Variants in FNBP1L observed in about 807,000 individuals in gnomAD.
FNBP1L encodes formin binding protein 1 like, also known as formin-binding protein 1-like.
A neutral mutation model predicts 91.2 loss-of-function variants in FNBP1L; 36 were observed. The ratio of observed to expected loss-of-function variants is 0.39; its 90% CI spans 0.30 to 0.52. The LOEUF (loss-of-function observed/expected upper bound fraction) is 0.52, where lower values mean the gene tolerates loss of function less well. Among genes scored for constraint, FNBP1L ranks in the 20% least tolerant of loss-of-function variants. FNBP1L has a pLI of 0.66. For missense variants in FNBP1L, 571 were observed against 732.1 expected, an observed-to-expected ratio of 0.78 and a Z score of 2.54; for synonymous variants, 242 against 237.0, an observed-to-expected ratio of 1.02 and a Z score of -0.19.
At chr1:93,473,236 T>C (rs754276685) in intron 1 of FNBP1L, among the ~76,000 whole-genome samples, 25 of 152,222 alleles carry the variant, frequency 1.6e-4, no homozygotes, top group Non-Finnish European at 3.2e-4. Flanking sequence ...TATTTTATTC[T>C]GGTCAAAAAT....
intron 2 of FNBP1L, among the ~76,000 whole-genome samples, chr1:93,512,453 A>C (rs1470982210): frequency 6.6e-6 from 1 of 151,988 alleles, no homozygotes; most frequent in Non-Finnish European, 1.5e-5. Context: ...CTCCACCCCA[A>C]ATCAACAGAA....
At chr1:93,501,814 G>A (rs1670447492) in intron 2 of FNBP1L, among the ~76,000 whole-genome samples, 1 of 152,182 alleles carries the variant, frequency 6.6e-6, no homozygotes, top group South Asian at 2.1e-4. Flanking sequence ...AAAGAAGGCA[G>A]AGAATATAAC....
chr1:93,529,598 A>G, intron 5 of FNBP1L, 54 bp from the exon 6 acceptor site: 1 of 1,102,028 alleles, frequency 9.1e-7, no homozygotes, highest in Non-Finnish European at 1.3e-6. Context: ...TATTTCTTAA[A>G]TGAAGTTAGC....
chr1:93,534,966 G>A, intron 9 of FNBP1L, 58 bp downstream of exon 9: 4 of 1,368,486 alleles, frequency 2.9e-6, no homozygotes, highest in African/African-American at 1.5e-5. Context: ...CTAAAACAAT[G>A]TGGGTATTGA....
intron 2 of FNBP1L, among the ~76,000 whole-genome samples, chr1:93,508,139 G>A (rs539147051): frequency 4.0e-5 from 6 of 151,848 alleles, no homozygotes; most frequent in South Asian, 2.1e-4. Flanking sequence ...CTTGAGTCCA[G>A]GAGTTTAAGA....
intron 2 of FNBP1L, among the ~76,000 whole-genome samples, chr1:93,517,530 G>A (rs1557805466): frequency 6.6e-6 from 1 of 152,060 alleles, no homozygotes. Context: ...CTTCTCTTGG[G>A]TTTTCTGTTA....
At chr1:93,466,940 T>A (rs1669100236) in intron 1 of FNBP1L, among the ~76,000 whole-genome samples, 1 of 152,134 alleles carries the variant, frequency 6.6e-6, no homozygotes, top group Non-Finnish European at 1.5e-5. Context: ...CACTGTAACC[T>A]CCGCCTCCCA....
rs952304190 is a variant in FNBP1L, at chr1:93,461,233, T to G, written c.24+12928T>G. Among the ~76,000 whole-genome samples the G allele has an allele frequency of 2.0e-5, 3 of 152,314 alleles. No homozygotes were observed. In the East Asian group the frequency reaches 5.8e-4, roughly 29 times the overall value. On this transcript the variant is annotated intron_variant, in intron 1 of 16. Transcript: ENST00000271234. Reference sequence around the variant, plus strand: ...TTTACGCTGGAGTGTTCAGATCCCTTTTTTCTTTTCCAATCCTTTTGTGAA... The same window carrying G: ...TTTACGCTGGAGTGTTCAGATCCCTGTTTTCTTTTCCAATCCTTTTGTGAA...
At chr1:93,464,246 G>A (rs555513216) in intron 1 of FNBP1L, among the ~76,000 whole-genome samples, 3 of 152,268 alleles carry the variant, frequency 2.0e-5, no homozygotes, top group Non-Finnish European at 4.4e-5. Context: ...TGAAAGTAGG[G>A]TTTTGAACAA....
chr1:93,506,327 A>G (rs1453312436), intron 2 of FNBP1L, among the ~76,000 whole-genome samples: 1 of 152,166 alleles, frequency 6.6e-6, no homozygotes, highest in Non-Finnish European at 1.5e-5. Flanking sequence ...GGCAGGAAAT[A>G]CAGTCATCAA....
intron 1 of FNBP1L, among the ~76,000 whole-genome samples, chr1:93,483,421 T>C (rs985025047): frequency 6.6e-6 from 1 of 152,196 alleles, no homozygotes; most frequent in Admixed American, 6.5e-5. Context: ...CAGTAAGTCA[T>C]GAAAGAATAA....
intron 7 of FNBP1L, among the ~76,000 whole-genome samples, chr1:93,531,488 G>A (rs1671676105): frequency 6.6e-6 from 1 of 152,178 alleles, no homozygotes; most frequent in Non-Finnish European, 1.5e-5. Flanking sequence ...TACAGAAAAG[G>A]GATTTAGTAA....
intron 3 of FNBP1L, 40 bp downstream of exon 3, chr1:93,522,175 T>C: frequency 1.0e-6 from 1 of 989,492 alleles, no homozygotes; most frequent in African/African-American, 1.7e-5. Context: ...ATTAAAAAAT[T>C]TAAAAATACT....
chr1:93,483,031 AAAC>A (rs1669768157), intron 1 of FNBP1L, among the ~76,000 whole-genome samples: 5 of 148,510 alleles, frequency 3.4e-5, no homozygotes, highest in Admixed American at 2.7e-4. Context: ...AAAACAAAAA[AAAC>A]AAAAAACAAA....
intron 5 of FNBP1L, among the ~76,000 whole-genome samples, chr1:93,526,540 G>C (rs1671500616): frequency 6.6e-6 from 1 of 152,158 alleles, no homozygotes; most frequent in Non-Finnish European, 1.5e-5. Flanking sequence ...AATTTCCTCT[G>C]GATGCCTTTG....
At position 93,530,839 on chromosome 1, in the gene FNBP1L, G is replaced by A. The variant is rs1224226522; in HGVS notation, c.595G>A (p.Glu199Lys). 2 of 1,557,186 alleles carry A rather than the reference G, an allele frequency of 1.3e-6. No individual in the cohort carries two copies. The highest frequency in any genetic ancestry group is 1.7e-6 in the Non-Finnish European group (2 of 1,148,648). Residue 199 changes from glutamate to lysine, a missense_variant, in exon 7 of 17, where the codon GAA (glutamate) becomes AAA (lysine). By Grantham distance (56) the Glu-to-Lys change is moderately conservative. Coordinates refer to ENST00000271234, the MANE Select transcript of FNBP1L (RefSeq NM_001164473.3). ...YAAQLQNFNG[E>K]QHKHFYVVIP... ...TGCACAATTACAAAACTTTAATGGA[G>A]AACAACATAAACATTTTTATGTAGT...
rs1046407264 is a variant in FNBP1L at position 93,493,184 on chromosome 1, A to C, written c.25-6284A>C. Among the ~76,000 whole-genome samples the C allele has an allele frequency of 9.2e-5, 14 of 152,276 alleles. No homozygotes were observed. The East Asian group carries it at 2.7e-3, about 29-fold the overall frequency. On this transcript the variant is annotated intron_variant, in intron 1 of 16. Transcript: ENST00000271234. ...GAAGCTGAGCTGGAAGGATCATTTA[A>C]GCTCAGGAGGTCGAGTCTGCAGTGA...
rs114547332 is a variant in FNBP1L, at chr1:93,496,653, C to T, written c.25-2815C>T. Reference sequence around the variant, plus strand: ...TCCTGAGCTCAAGAGATTCTCTTGCCTCGGCCTCCCAAAGTGCTAGGCTTA... The same window carrying T: ...TCCTGAGCTCAAGAGATTCTCTTGCTTCGGCCTCCCAAAGTGCTAGGCTTA... On this transcript the variant is annotated intron_variant, in intron 1 of 16. Coordinates refer to ENST00000271234, the MANE Select transcript of FNBP1L (RefSeq NM_001164473.3). Among the ~76,000 whole-genome samples the T allele has an allele frequency of 9.3e-3, 1,421 of 152,192 alleles. 25 individuals are homozygous for T. Among genetic ancestry groups the T allele is most frequent in the African/African-American group, 0.033 (1,355 of 41,522 alleles).
Position 93,550,998 on chromosome 1 carries a change from T to C in FNBP1L, c.1703T>C (p.Ile568Thr), listed in dbSNP as rs768093193. The C allele has an allele frequency of 1.2e-6, 2 of 1,612,266 alleles. No homozygotes were observed. The highest frequency in any genetic ancestry group is 1.7e-6 in the Non-Finnish European group (2 of 1,179,080). Reference sequence around the variant, plus strand: ...AAAGAAGGTGAAGTTCTCTACATTATAGAGGAGGACAAAGGTGACGGATGG... The same window carrying C: ...AAAGAAGGTGAAGTTCTCTACATTACAGAGGAGGACAAAGGTGACGGATGG... ...AMKEGEVLYIIEEDKGDGWTR... is the reference protein window; with the variant it reads ...AMKEGEVLYITEEDKGDGWTR... Residue 568 changes from isoleucine to threonine, a missense_variant, in exon 16 of 17, where the codon ATA becomes ACA. Ile to Thr is a moderately conservative substitution (Grantham distance 89). Coordinates refer to ENST00000271234, the MANE Select transcript of FNBP1L (RefSeq NM_001164473.3).
Sources: allele counts gnomAD v4.1 joint callset (sites outside exome capture counted in the v4.1 genomes callset), GRCh38; gene constraint gnomAD v4.1.1; transcripts MANE v1.5; gene names NCBI Gene and HGNC (gene_info 2026-07-23, HGNC 2026-07-21).